The following NIM1K variants were observed in gnomAD, a reference collection of about 807,000 sequenced individuals.
NIM1K encodes the protein serine/threonine-protein kinase NIM1.
Under a neutral mutation model 37.1 loss-of-function variants are expected in NIM1K, and 35 were observed. That is an observed-to-expected ratio of 0.94 (90% confidence interval 0.72 to 1.25). NIM1K has a LOEUF of 1.25. NIM1K is among the 50% of genes most tolerant of loss of function. NIM1K has a pLI of 0.00. For missense variants in NIM1K, 564 were observed against 548.0 expected, an observed-to-expected ratio of 1.03 and a Z score of -0.29; for synonymous variants, 234 against 206.6, an observed-to-expected ratio of 1.13 and a Z score of -1.14.
intron 1 of NIM1K, among the ~76,000 whole-genome samples, chr5:43,198,541 T>G (rs1285584461): frequency 6.6e-6 from 1 of 152,104 alleles, no homozygotes; most frequent in Non-Finnish European, 1.5e-5. Flanking sequence ...CGGACTTTAT[T>G]AAGTAATGAT....
chr5:43,231,922 C>T, intron 1 of NIM1K: 1 of 966,242 alleles, frequency 1.0e-6, no homozygotes, highest in Non-Finnish European at 1.6e-6. Context: ...GAAAACTCTC[C>T]TTCCTCCCTT....
intron 1 of NIM1K, chr5:43,231,856 C>G (rs1579969319): frequency 8.2e-7 from 1 of 1,217,946 alleles, no homozygotes; most frequent in Non-Finnish European, 1.2e-6. Flanking sequence ...TCAACAGAAT[C>G]CACACCAACC....
chr5:43,277,804 G>GTA (rs1753370384), intron 3 of NIM1K, among the ~76,000 whole-genome samples: 1 of 149,300 alleles, frequency 6.7e-6, no homozygotes, highest in African/African-American at 2.5e-5. Flanking sequence ...GTGTGTGTGT[G>GTA]TGTGTGTGTG....
chr5:43,206,859 A>C (rs761719756), intron 1 of NIM1K: 39 of 768,408 alleles, frequency 5.1e-5, no homozygotes, highest in Non-Finnish European at 9.2e-5. Flanking sequence ...AGCAACATGC[A>C]CAAACAAGAA....
chr5:43,220,355 A>G (rs1431206294), intron 1 of NIM1K, among the ~76,000 whole-genome samples: 2 of 144,872 alleles, frequency 1.4e-5, no homozygotes, highest in Admixed American at 1.4e-4. Context: ...GCACCATCTC[A>G]GCACACTGCA....
chr5:43,234,226 T>C (rs987040101), intron 1 of NIM1K, among the ~76,000 whole-genome samples: 2 of 143,354 alleles, frequency 1.4e-5, no homozygotes, highest in African/African-American at 5.1e-5. Flanking sequence ...TACAGAGTTG[T>C]CATGTCGTGT....
Position 43,231,584 on chromosome 5 carries a change from A to ATTT in NIM1K, c.-694-13497_-694-13495dup, listed in dbSNP as rs1032748024. On this transcript the variant is annotated intron_variant, in intron 1 of 3. Transcript: ENST00000326035. ...CTGTTAGTTCAGATTGTTACTACAT[A>ATTT]TTTGTTCACTTTTAAAAAACATTTA... 3.3e-5 allele frequency among the ~76,000 whole-genome samples: 5 copies of ATTT among 152,198 alleles called. 1 individual carries two copies. Among genetic ancestry groups the ATTT allele is most frequent in the Non-Finnish European group, 7.3e-5 (5 of 68,036 alleles).
chr5:43,211,062 C>G (rs903570767), intron 1 of NIM1K, among the ~76,000 whole-genome samples: 1 of 152,136 alleles, frequency 6.6e-6, no homozygotes. Flanking sequence ...ATCCCAGCTA[C>G]TCAGGAGGCT....
intron 3 of NIM1K, among the ~76,000 whole-genome samples, chr5:43,277,940 G>T (rs188091588): frequency 5.5e-4 from 83 of 151,912 alleles, no homozygotes; most frequent in Middle Eastern, 3.4e-3. Context: ...ACACTTGGTT[G>T]TGTCTTTCTT....
At position 43,245,831 on chromosome 5, in the gene NIM1K, G is replaced by A; in HGVS notation, c.56G>A (p.Trp19Ter). ...GGLVNPHYAR[W>*]DRRDSVESGC... is the part of the protein sequence containing the mutation. ...CTGGTGAACCCCCACTATGCCCGGTGGGATCGGCGCGACAGTGTAGAAAGT... is the reference window on the plus strand; with the variant it reads ...CTGGTGAACCCCCACTATGCCCGGTAGGATCGGCGCGACAGTGTAGAAAGT... Residue 19 changes from tryptophan (W) to a stop codon, truncating the protein, a stop_gained, in exon 2 of 4, where the codon TGG (tryptophan) becomes TAG (stop). Transcript: ENST00000326035. LOFTEE classifies it high-confidence loss of function. The A allele has an allele frequency of 6.2e-7, 1 of 1,613,654 alleles. No individual in the cohort carries two copies.
intron 1 of NIM1K, among the ~76,000 whole-genome samples, chr5:43,219,400 T>A (rs1440692547): frequency 6.6e-6 from 1 of 151,942 alleles, no homozygotes; most frequent in Non-Finnish European, 1.5e-5. Context: ...ACCACACCTG[T>A]CTAATTCTAA....
At chr5:43,277,530 C>T (rs1417963910) in intron 3 of NIM1K, among the ~76,000 whole-genome samples, 22 of 152,140 alleles carry the variant, frequency 1.4e-4, no homozygotes, top group Admixed American at 1.4e-3. Context: ...ACACGTCAAC[C>T]TCCTAGCTTC....
At chr5:43,250,830 T>C (rs1052613202) in intron 2 of NIM1K, among the ~76,000 whole-genome samples, 3 of 152,212 alleles carry the variant, frequency 2.0e-5, no homozygotes, top group Non-Finnish European at 4.4e-5. Context: ...AGAAGTTTCA[T>C]ACAAGTGTGG....
chr5:43,214,823 A>C (rs907221809), intron 1 of NIM1K, among the ~76,000 whole-genome samples: 25 of 146,100 alleles, frequency 1.7e-4, no homozygotes, highest in African/African-American at 6.2e-4. Context: ...CAAAAAAAAA[A>C]AAAAAAAACA....
intron 2 of NIM1K, among the ~76,000 whole-genome samples, chr5:43,274,662 AT>A (rs1753311490): frequency 6.6e-6 from 1 of 152,186 alleles, no homozygotes; most frequent in African/African-American, 2.4e-5. Flanking sequence ...CAGAGCAAAC[AT>A]TCTGCTCCTG....
At position 43,245,739 on chromosome 5, in the gene NIM1K, C is replaced by T. The variant is rs372468440; in HGVS notation, c.-37C>T. On this transcript the variant is annotated 5_prime_UTR_variant, in exon 2 of 4. Coordinates refer to ENST00000326035, the MANE Select transcript of NIM1K (RefSeq NM_153361.4). ...CCTCTTCTGCTCCTGCACAACCTGC[C>T]TCTTCGCTGAGATGGAGACGTGAGC... The T allele has an allele frequency of 1.5e-5, 23 of 1,539,176 alleles. No individual in the cohort carries two copies. The African/African-American group carries it at 2.9e-4, about 19-fold the overall frequency.
intron 1 of NIM1K, among the ~76,000 whole-genome samples, chr5:43,226,096 G>A (rs1166795138): frequency 2.0e-5 from 3 of 152,220 alleles, no homozygotes; most frequent in African/African-American, 7.2e-5. Context: ...GACCAGCATG[G>A]CTGGAGTGTA....
intron 2 of NIM1K, among the ~76,000 whole-genome samples, chr5:43,255,756 AAGAAAG>A (rs1561088912): frequency 1.1e-5 from 1 of 93,398 alleles, no homozygotes; most frequent in African/African-American, 3.4e-5. Context: ...TCAAAAAAAA[AAGAAAG>A]AAAGAAAGAA....
intron 2 of NIM1K, among the ~76,000 whole-genome samples, chr5:43,267,614 A>G (rs1421239143): frequency 6.6e-6 from 1 of 152,168 alleles, no homozygotes; most frequent in Non-Finnish European, 1.5e-5. Context: ...TCTTAGCACC[A>G]CTTTTGCTGT....
Sources: gnomAD v4.1 joint callset for allele counts (sites outside exome capture counted in the v4.1 genomes callset) on GRCh38, gnomAD v4.1.1 for gene constraint, MANE v1.5 for transcripts, NCBI Gene and HGNC (gene_info 2026-07-23, HGNC 2026-07-21) for gene names.